TUBGCP3: variants seen among roughly 807,000 people sequenced by gnomAD.
The protein encoded by TUBGCP3 is gamma-tubulin complex component 3.
In TUBGCP3, 50 loss-of-function variants were observed where a neutral mutation model predicts 123.1. The ratio of observed to expected loss-of-function variants is 0.41; its 90% CI spans 0.32 to 0.51. TUBGCP3 has a LOEUF of 0.51. Ranked by LOEUF, TUBGCP3 falls within the 20% of genes least tolerant of loss-of-function variation. The probability of loss-of-function intolerance (pLI) is 0.36; values close to 1 mark genes in which losing one functional copy is unlikely to be tolerated. For missense variants in TUBGCP3, 882 were observed against 1,127.0 expected (o/e 0.78, Z 3.11); for synonymous variants, 405 against 413.9 (o/e 0.98, Z 0.26).
chr13:112,567,092 G>A (rs1357667824), intron 2 of TUBGCP3, among the ~76,000 whole-genome samples: 1 of 152,236 alleles, frequency 6.6e-6, no homozygotes, highest in Non-Finnish European at 1.5e-5. Flanking sequence ...GACTATAGGT[G>A]CTGAAGGAGG....
At chr13:112,520,822 C>G in intron 14 of TUBGCP3, among the ~76,000 whole-genome samples, 1 of 152,150 alleles carries the variant, frequency 6.6e-6, no homozygotes, top group East Asian at 1.9e-4. Context: ...CGTCTCTAAT[C>G]GGGGGTGACC....
intron 9 of TUBGCP3, 48 bp from the exon 10 acceptor site, chr13:112,547,800 G>T: frequency 7.2e-7 from 1 of 1,389,322 alleles, no homozygotes. Context: ...TAACCACATA[G>T]ATCACACTTC....
intron 13 of TUBGCP3, among the ~76,000 whole-genome samples, chr13:112,523,523 C>A (rs555385781): frequency 6.6e-6 from 1 of 152,190 alleles, no homozygotes; most frequent in African/African-American, 2.4e-5. Context: ...CCTGGAGTCA[C>A]GACACCACGG....
rs1441221451 is a variant in TUBGCP3, at chr13:112,547,731, C to A, written c.1057G>T (p.Gly353Cys). ...HSQLQLEDDQGVNLGLESSLT... is the reference protein window; with the variant it reads ...HSQLQLEDDQCVNLGLESSLT... ...CTACTCTCAAGTCCCAAATTCACAC[C>A]CTGGTCATCCTCTAGTTGTAGCTAA... The change falls in exon 10 of 22, where the codon GGT becomes TGT. Residue 353 changes from glycine to cysteine, a missense_variant. Around this residue, in one of 3 missense-constraint regions of TUBGCP3, gnomAD observed 713 missense variants for 874.0 expected, o/e 0.82. Transcript: ENST00000261965. 3 of 1,512,332 alleles carry A rather than the reference C, an allele frequency of 2.0e-6. No individual in the cohort carries two copies. Among genetic ancestry groups the A allele is most frequent in the Admixed American group, 2.2e-5 (1 of 44,742 alleles). The allele number at this position is 1,512,332 out of a possible 1,614,324, so 93.7% of individuals were successfully genotyped here. A position where few individuals can be genotyped will look rare whatever the true frequency, so the allele number is the denominator to read the frequency against.
intron 20 of TUBGCP3, among the ~76,000 whole-genome samples, chr13:112,491,717 C>T (rs1485961455): frequency 6.6e-6 from 1 of 152,200 alleles, no homozygotes; most frequent in Non-Finnish European, 1.5e-5. Flanking sequence ...AACTCCTGGG[C>T]TCAAGCTATG....
intron 6 of TUBGCP3, 76 bp downstream of exon 6, chr13:112,555,976 G>C: frequency 1.3e-6 from 2 of 1,500,578 alleles, no homozygotes; most frequent in Non-Finnish European, 1.8e-6. Flanking sequence ...GGGCTCCTGG[G>C]CTGTACTTTA....
At chr13:112,597,268 T>G in the TUBGCP3 span, among the ~76,000 whole-genome samples, 1 of 152,252 alleles carries the variant, frequency 6.6e-6, no homozygotes. Flanking sequence ...TAGATTGTCC[T>G]CTTTAGGGAT....
chr13:112,601,114 G>A, the TUBGCP3 span, among the ~76,000 whole-genome samples: 73 of 149,938 alleles, frequency 4.9e-4, no homozygotes, highest in Non-Finnish European at 8.9e-4. Flanking sequence ...TTCAACCCAG[G>A]AGGCAGAGGT....
chr13:112,543,875 T>C (rs1878728479), intron 11 of TUBGCP3, among the ~76,000 whole-genome samples: 2 of 151,694 alleles, frequency 1.3e-5, no homozygotes, highest in African/African-American at 4.9e-5. Flanking sequence ...AACAAATCCA[T>C]AAGAAAAATG....
At chr13:112,500,782 A>G (rs1394131220) in intron 19 of TUBGCP3, among the ~76,000 whole-genome samples, 1 of 152,240 alleles carries the variant, frequency 6.6e-6, no homozygotes, top group Non-Finnish European at 1.5e-5. Flanking sequence ...GACATTTGCA[A>G]AGCCACTTCT....
chr13:112,552,352 C>T (rs866199556), intron 8 of TUBGCP3, among the ~76,000 whole-genome samples: 2 of 152,316 alleles, frequency 1.3e-5, no homozygotes, highest in Middle Eastern at 3.4e-3. Context: ...ACACTCCCTT[C>T]GGGAAAAGGG....
chr13:112,604,747 G>GTC, the TUBGCP3 span: 4 of 152,190 alleles, frequency 2.6e-5, no homozygotes, highest in African/African-American at 7.2e-5. Context: ...TGTCCACCCA[G>GTC]TCTCTCTCCA....
At chr13:112,560,158 C>T (rs1225789555) in intron 3 of TUBGCP3, among the ~76,000 whole-genome samples, 2 of 148,046 alleles carry the variant, frequency 1.4e-5, no homozygotes, top group Non-Finnish European at 3.0e-5. Flanking sequence ...AGGCCGGGCG[C>T]GGTGGCTCAC....
At chr13:112,603,052 C>T in the TUBGCP3 span, 3 of 152,216 alleles carry the variant, frequency 2.0e-5, no homozygotes, top group Non-Finnish European at 4.4e-5. Context: ...GGTTAGGTGG[C>T]TCTACTACTG....
At position 112,537,778 on chromosome 13, in the gene TUBGCP3, T is replaced by C. The variant is rs755498583; in HGVS notation, c.1335+7921A>G. The stretch of plus-strand genomic sequence containing the variant: ...AAGCCATCGGCTCCTGCACTTTTCT[T>C]TGCTAAAGTTTCCTGATTAATGATT... On this transcript the variant is annotated intron_variant, in intron 11 of 21. Coordinates refer to ENST00000261965, the MANE Select transcript of TUBGCP3 (RefSeq NM_006322.6). Among the ~76,000 whole-genome samples, 74 of 152,200 alleles carry C rather than the reference T, an allele frequency of 4.9e-4. 1 individual carries two copies. Among genetic ancestry groups the C allele is most frequent in the Admixed American group, 4.3e-3 (65 of 15,284 alleles).
intron 20 of TUBGCP3, among the ~76,000 whole-genome samples, chr13:112,493,965 A>G (rs1372932497): frequency 0.011 from 754 of 68,596 alleles, no homozygotes; most frequent in Middle Eastern, 0.053. Flanking sequence ...CTGGCTATGG[A>G]AACATGGCCT....
intron 17 of TUBGCP3, among the ~76,000 whole-genome samples, chr13:112,505,506 C>T (rs7139920): frequency 0.98 from 149,060 of 152,358 alleles, 72,947 homozygotes; most frequent in East Asian, 1. Flanking sequence ...GTCTTGCCTC[C>T]TCTCAAGACA....
rs940669921 is a variant in TUBGCP3, at chr13:112,510,088, C to T, written c.2087-5374G>A. Among the ~76,000 whole-genome samples, 21 of 152,120 alleles carry T rather than the reference C, an allele frequency of 1.4e-4. No individual in the cohort carries two copies. The East Asian group carries it at 2.9e-3, about 21-fold the overall frequency. ...GGATGCACATCTCCTGCAGGGCCGA[C>T]GCCACACTGGACGGCCGATACACAA... On this transcript the variant is annotated intron_variant, in intron 17 of 21. Transcript: ENST00000261965.
chr13:112,513,419 G>A (rs1314214079), intron 17 of TUBGCP3, among the ~76,000 whole-genome samples: 1 of 152,188 alleles, frequency 6.6e-6, no homozygotes, highest in Non-Finnish European at 1.5e-5. Context: ...AAAAACTCTT[G>A]CCCCCAGCAA....
Sources: gnomAD v4.1 joint callset for allele counts (sites outside exome capture counted in the v4.1 genomes callset) on GRCh38, gnomAD v4.1.1 for gene constraint, gnomAD v4.1.1 regional missense constraint, MANE v1.5 for transcripts, NCBI Gene and HGNC (gene_info 2026-07-23, HGNC 2026-07-21) for gene names.